Variants in ZNRF3 observed in about 807,000 individuals in gnomAD.
ZNRF3 encodes E3 ubiquitin-protein ligase ZNRF3.
ZNRF3 carries 23 observed loss-of-function variants against 72.5 expected under a neutral mutation model. That is an observed-to-expected ratio of 0.32 (90% confidence interval 0.23 to 0.45). The LOEUF (loss-of-function observed/expected upper bound fraction) is 0.45, where lower values mean the gene tolerates loss of function less well. Ranked by LOEUF, ZNRF3 falls within the 20% of genes least tolerant of loss-of-function variation. The pLI is 1.00. For synonymous variants in ZNRF3, 610 were observed against 545.3 expected (o/e 1.12, Z -1.65); for missense variants, 1,169 against 1,272.1 (o/e 0.92, Z 1.23).
chr22:28,966,236 G>A (rs2035456484), intron 1 of ZNRF3, among the ~76,000 whole-genome samples: 1 of 152,222 alleles, frequency 6.6e-6, no homozygotes, highest in African/African-American at 2.4e-5. Flanking sequence ...AAATGCAACA[G>A]AGTGAACAGA....
intron 2 of ZNRF3, chr22:29,031,522 G>A: frequency 2.1e-6 from 2 of 942,028 alleles, no homozygotes; most frequent in Non-Finnish European, 2.5e-6. Context: ...GTGTCATGCA[G>A]TGACTCATGC....
intron 1 of ZNRF3, among the ~76,000 whole-genome samples, chr22:28,918,027 G>T (rs1337876511): frequency 6.6e-6 from 1 of 152,224 alleles, no homozygotes; most frequent in Non-Finnish European, 1.5e-5. Flanking sequence ...TAGCCTGGGA[G>T]GGTATTTATA....
At chr22:28,952,832 A>T (rs1188777136) in intron 1 of ZNRF3, among the ~76,000 whole-genome samples, 2 of 152,240 alleles carry the variant, frequency 1.3e-5, no homozygotes, top group African/African-American at 4.8e-5. Flanking sequence ...GAAATAAAAG[A>T]GGTTCCTGTG....
At chr22:28,901,968 C>T (rs1452771587) in intron 1 of ZNRF3, among the ~76,000 whole-genome samples, 1 of 141,522 alleles carries the variant, frequency 7.1e-6, no homozygotes, top group South Asian at 2.3e-4. Context: ...ATGGAGTCTC[C>T]GTCTGTTACC....
chr22:28,937,169 CTTATAATATAT>C (rs1343517194), intron 1 of ZNRF3, among the ~76,000 whole-genome samples: 2 of 128,604 alleles, frequency 1.6e-5, no homozygotes, highest in African/African-American at 7.2e-5. Flanking sequence ...CTACTTCTCT[CTTATAATATAT>C]ATATATATAT....
chr22:28,968,979 TACAGAC>T (rs1193420515), intron 1 of ZNRF3, among the ~76,000 whole-genome samples: 2 of 152,310 alleles, frequency 1.3e-5, no homozygotes, highest in East Asian at 3.9e-4. Flanking sequence ...CACCAGGACA[TACAGAC>T]ACAGATAAAC....
chr22:28,919,809 CT>C (rs1448653059), intron 1 of ZNRF3, among the ~76,000 whole-genome samples: 1 of 151,768 alleles, frequency 6.6e-6, no homozygotes. Context: ...ACCTGGCCCC[CT>C]TTACTCTTAA....
rs773877604 is a variant in ZNRF3, at chr22:29,048,504, C to T, written c.1015+13C>T. On this transcript the variant is annotated intron_variant, in intron 7 of 8. Coordinates refer to ENST00000544604, the MANE Select transcript of ZNRF3 (RefSeq NM_001206998.2). This position sits in a 1 kb window ranked among gnomAD's most constrained non-coding sequence, Gnocchi z 4.9. ...CACAACATCATAGGTAACTGTCACC[C>T]GCCTTAGCCATTGCTGAAGAGTCAA... The T allele has an allele frequency of 8.7e-6, 14 of 1,613,166 alleles. No homozygotes were observed. Among genetic ancestry groups the T allele is most frequent in the South Asian group, 3.3e-5 (3 of 91,072 alleles).
Position 29,056,106 on chromosome 22 carries a change from C to CTTTTTTT in ZNRF3, c.*2490_*2496dup, listed in dbSNP as rs11403703. The CTTTTTTT allele has an allele frequency of 6.8e-6, 1 of 147,252 alleles. No individual in the cohort carries two copies. The highest frequency in any genetic ancestry group is 1.5e-5 in the Non-Finnish European group (1 of 66,772). 9.1% of individuals were successfully genotyped at this position (147,252 alleles called of 1,614,324 possible). On this transcript the variant is annotated 3_prime_UTR_variant, in exon 9 of 9. Coordinates refer to ENST00000544604, the MANE Select transcript of ZNRF3 (RefSeq NM_001206998.2). The stretch of plus-strand genomic sequence containing the variant: ...TTAAATACCAAATACCAACCATTGC[C>CTTTTTTT]TTTTTTTTTTTTGAGATGGAATTTT...
At chr22:28,987,335 G>GTCTCAGTCCCCACCTCATGCA in intron 2 of ZNRF3, 134 bp downstream of exon 2, 2 of 1,372,862 alleles carry the variant, frequency 1.5e-6, no homozygotes, top group Non-Finnish European at 1.9e-6. Context: ...GAAGTTGCAT[G>GTCTCAGTCCCCACCTCATGCA]AGGTGGGGAC....
intron 1 of ZNRF3, among the ~76,000 whole-genome samples, chr22:28,956,915 G>T (rs570453558): frequency 1.3e-5 from 2 of 152,304 alleles, no homozygotes; most frequent in East Asian, 3.9e-4. Flanking sequence ...AGCCACAGGG[G>T]TCTAAGCAGC....
chr22:29,047,572 T>C (rs995891725), intron 6 of ZNRF3, among the ~76,000 whole-genome samples: 7 of 152,228 alleles, frequency 4.6e-5, no homozygotes, highest in African/African-American at 1.7e-4. Flanking sequence ...AGCTTTGTGA[T>C]CTTGGGCAAG....
In ZNRF3 at chr22:28,967,714, C is replaced by A. The variant is rs2035496679; in HGVS notation, c.301-19362C>A. On this transcript the variant is annotated intron_variant, in intron 1 of 8. Transcript: ENST00000544604. ...GGCTGAGGTGGGTGGATCACTTGAGCCCAGGAGTTCAAGACCAGCCTAGAC... is the reference window on the plus strand; with the variant it reads ...GGCTGAGGTGGGTGGATCACTTGAGACCAGGAGTTCAAGACCAGCCTAGAC... 2.6e-5 allele frequency among the ~76,000 whole-genome samples: 4 copies of A among 151,636 alleles called. No homozygotes were observed. The South Asian group carries it at 8.4e-4, about 32-fold the overall frequency.
At chr22:29,020,790 T>G (rs1056546946) in intron 2 of ZNRF3, among the ~76,000 whole-genome samples, 1 of 150,462 alleles carries the variant, frequency 6.6e-6, no homozygotes, top group East Asian at 2.0e-4. Flanking sequence ...TGTGTGTGTG[T>G]GTGTGTGTGT....
chr22:28,893,115 C>T (rs147127702), intron 1 of ZNRF3, among the ~76,000 whole-genome samples: 5 of 151,250 alleles, frequency 3.3e-5, no homozygotes, highest in East Asian at 3.9e-4. Flanking sequence ...TGCAGTGAGC[C>T]GAGATCACAC....
At position 28,916,919 on chromosome 22, in the gene ZNRF3, C is replaced by G. The variant is rs547650527; in HGVS notation, c.300+32853C>G. The stretch of plus-strand genomic sequence containing the variant: ...TTCTTTGAAGATGCTTTGACTATAC[C>G]GCCCAGGATTTCCAAATTGTAGCCT... On this transcript the variant is annotated intron_variant, in intron 1 of 8. Coordinates refer to ENST00000544604, the MANE Select transcript of ZNRF3 (RefSeq NM_001206998.2). 2.0e-4 allele frequency among the ~76,000 whole-genome samples: 30 copies of G among 152,226 alleles called. No homozygotes were observed. In the East Asian group the frequency reaches 5.2e-3, roughly 26 times the overall value.
chr22:29,046,056 G>A (rs941177860), intron 5 of ZNRF3, among the ~76,000 whole-genome samples: 13 of 152,138 alleles, frequency 8.5e-5, no homozygotes, highest in Non-Finnish European at 1.3e-4. Context: ...AGGCTCTCTG[G>A]GTGATGCTTG....
At chr22:28,994,494 G>A (rs1350093833) in intron 2 of ZNRF3, among the ~76,000 whole-genome samples, 1 of 151,820 alleles carries the variant, frequency 6.6e-6, no homozygotes, top group African/African-American at 2.4e-5. Context: ...CGGCTCCTTC[G>A]TTCCTTTTAT....
At chr22:28,943,199 C>A (rs1204201507) in intron 1 of ZNRF3, among the ~76,000 whole-genome samples, 2 of 152,068 alleles carry the variant, frequency 1.3e-5, no homozygotes, top group Admixed American at 6.6e-5. Flanking sequence ...TGTCTCCCCT[C>A]CCCCGGGGGT....
Sources: gnomAD v4.1 joint callset for allele counts (sites outside exome capture counted in the v4.1 genomes callset) on GRCh38, gnomAD v4.1.1 for gene constraint, Gnocchi (gnomAD v3.1) non-coding constraint, MANE v1.5 for transcripts, NCBI Gene and HGNC (gene_info 2026-07-23, HGNC 2026-07-21) for gene names.